ASTN2: variants seen among roughly 807,000 people sequenced by gnomAD.
ASTN2 encodes the protein astrotactin 2, also known as astrotactin-2.
ASTN2 carries 54 observed loss-of-function variants against 139.8 expected under a neutral mutation model. The ratio of observed to expected loss-of-function variants is 0.39; its 90% CI spans 0.31 to 0.48. ASTN2 has a LOEUF of 0.48. Ranked by LOEUF, ASTN2 falls within the 20% of genes least tolerant of loss-of-function variation. The probability of loss-of-function intolerance (pLI) is 0.95; values close to 1 mark genes in which losing one functional copy is unlikely to be tolerated. For missense variants in ASTN2, 1,565 were observed against 1,725.1 expected, an observed-to-expected ratio of 0.91 and a Z score of 1.64; for synonymous variants, 756 against 719.5, an observed-to-expected ratio of 1.05 and a Z score of -0.81.
At position 116,867,474 on chromosome 9, in the gene ASTN2, C is replaced by T. The variant is rs1033028617; in HGVS notation, c.1890-3741G>A. 3.5e-5 allele frequency among the ~76,000 whole-genome samples: 5 copies of T among 143,742 alleles called. No individual in the cohort carries two copies. In the South Asian group the frequency reaches 6.8e-4, roughly 20 times the overall value. 94.3% of individuals were successfully genotyped at this position (143,742 alleles called of 152,430 possible). On this transcript the variant is annotated intron_variant, in intron 10 of 22. Transcript: ENST00000313400. ...CTGAGGCAGGATAATGGCGTGAACCCGGGAGGCGGAGCTTGCAGTGAGCCA... is the reference window on the plus strand; with the variant it reads ...CTGAGGCAGGATAATGGCGTGAACCTGGGAGGCGGAGCTTGCAGTGAGCCA...
chr9:117,100,342 C>T (rs185965485), intron 4 of ASTN2, among the ~76,000 whole-genome samples: 1,624 of 152,236 alleles, frequency 0.011, 33 homozygotes, highest in African/African-American at 0.037. Flanking sequence ...GTCTATAAAC[C>T]AGATTCAATA....
At position 116,645,722 on chromosome 9, in the gene ASTN2, C is replaced by A. The variant is rs185287951; in HGVS notation, c.3072+5806G>T. On this transcript the variant is annotated intron_variant, in intron 17 of 22. Coordinates refer to ENST00000313400, the MANE Select transcript of ASTN2 (RefSeq NM_001365068.1). Reference sequence around the variant, plus strand: ...AATGAGCTATGATATTCATTGCCAACAGAATACAAGTTCCAGCAATGTTTA... The same window carrying A: ...AATGAGCTATGATATTCATTGCCAAAAGAATACAAGTTCCAGCAATGTTTA... Among the ~76,000 whole-genome samples, 3 of 152,286 alleles carry A rather than the reference C, an allele frequency of 2.0e-5. No individual in the cohort carries two copies. In the East Asian group the frequency reaches 5.8e-4, roughly 29 times the overall value.
At chr9:116,518,471 C>T (rs1468619024) in intron 19 of ASTN2, among the ~76,000 whole-genome samples, 12 of 152,030 alleles carry the variant, frequency 7.9e-5, no homozygotes, top group Non-Finnish European at 1.3e-4. Context: ...CAGAATTCAC[C>T]ATTACCAAGC....
At chr9:116,499,490 T>C (rs566942531) in intron 19 of ASTN2, among the ~76,000 whole-genome samples, 7 of 152,338 alleles carry the variant, frequency 4.6e-5, no homozygotes, top group African/African-American at 1.7e-4. Context: ...GCCCCTCAAC[T>C]GAGTTCCCAC....
At chr9:117,285,742 G>A (rs1834433249) in intron 2 of ASTN2, among the ~76,000 whole-genome samples, 1 of 152,162 alleles carries the variant, frequency 6.6e-6, no homozygotes, top group Admixed American at 6.5e-5. Context: ...CCGATGGATA[G>A]CTCAGACACT....
intron 19 of ASTN2, among the ~76,000 whole-genome samples, chr9:116,592,107 C>A (rs544581268): frequency 6.6e-6 from 1 of 152,282 alleles, no homozygotes; most frequent in East Asian, 1.9e-4. Context: ...TAAATCATCT[C>A]TAGATTACTT....
At chr9:117,327,137 C>T (rs1828542369) in intron 1 of ASTN2, among the ~76,000 whole-genome samples, 2 of 152,128 alleles carry the variant, frequency 1.3e-5, no homozygotes, top group African/African-American at 2.4e-5. Flanking sequence ...TGCTCCTATG[C>T]ATATCTAATG....
At chr9:117,216,531 G>A (rs1286073916) in intron 2 of ASTN2, among the ~76,000 whole-genome samples, 5 of 152,186 alleles carry the variant, frequency 3.3e-5, no homozygotes, top group Non-Finnish European at 7.4e-5. Context: ...GTATTTGTGT[G>A]TGTGTGTTTG....
intron 4 of ASTN2, among the ~76,000 whole-genome samples, chr9:117,135,980 C>A (rs1829942442): frequency 6.6e-6 from 1 of 152,114 alleles, no homozygotes; most frequent in Non-Finnish European, 1.5e-5. Context: ...AGGAGGGAGC[C>A]TTGTGTAGCA....
At chr9:116,821,215 C>A (rs527903379) in intron 11 of ASTN2, among the ~76,000 whole-genome samples, 27 of 152,244 alleles carry the variant, frequency 1.8e-4, no homozygotes, top group African/African-American at 6.5e-4. Context: ...AAGCCTCTAC[C>A]AGTATGAGTG....
At chr9:116,786,370 G>C (rs934046072) in intron 13 of ASTN2, among the ~76,000 whole-genome samples, 3 of 152,166 alleles carry the variant, frequency 2.0e-5, no homozygotes, top group Admixed American at 2.0e-4. Flanking sequence ...CTTCAGAGCA[G>C]GGGTTTTTAT....
chr9:117,356,298 T>C (rs1041314940), intron 1 of ASTN2, among the ~76,000 whole-genome samples: 2 of 152,232 alleles, frequency 1.3e-5, no homozygotes, highest in Non-Finnish European at 2.9e-5. Flanking sequence ...GAGATAAATA[T>C]GCATCTCGAT....
chr9:117,329,932 C>T (rs569817343), intron 1 of ASTN2, among the ~76,000 whole-genome samples: 11 of 152,264 alleles, frequency 7.2e-5, no homozygotes, highest in African/African-American at 2.6e-4. Context: ...CAAACTGCCC[C>T]ATGAAATGGG....
intron 20 of ASTN2, among the ~76,000 whole-genome samples, chr9:116,470,288 C>T (rs955625963): frequency 1.2e-4 from 18 of 152,262 alleles, no homozygotes; most frequent in East Asian, 9.7e-4. Context: ...GGAAAAGATT[C>T]GGCGTGTTCT....
At chr9:117,005,367 G>A (rs193115309) in intron 7 of ASTN2, among the ~76,000 whole-genome samples, 2 of 152,032 alleles carry the variant, frequency 1.3e-5, no homozygotes, top group South Asian at 2.1e-4. Flanking sequence ...GATTACAGGC[G>A]AGAGTTCTTA....
chr9:117,393,475 G>A (rs1014498421), intron 1 of ASTN2, among the ~76,000 whole-genome samples: 2 of 152,150 alleles, frequency 1.3e-5, no homozygotes, highest in East Asian at 1.9e-4. Flanking sequence ...AATTTAAAAA[G>A]TGGAAATGGA....
chr9:117,173,039 G>T (rs1371157882), intron 3 of ASTN2, among the ~76,000 whole-genome samples: 1 of 152,022 alleles, frequency 6.6e-6, no homozygotes, highest in Non-Finnish European at 1.5e-5. Context: ...TCTAGACTTA[G>T]ATTTTCTCAT....
In ASTN2 at chr9:116,531,598, G is replaced by A. The variant is rs919272847; in HGVS notation, c.3356-44098C>T. 4.2e-5 allele frequency among the ~76,000 whole-genome samples: 6 copies of A among 142,122 alleles called. No individual in the cohort carries two copies. In the Admixed American group the frequency reaches 4.6e-4, roughly 11 times the overall value. The allele number at this position is 142,122 out of a possible 152,430, so 93.2% of individuals were successfully genotyped here. A position where few individuals can be genotyped will look rare whatever the true frequency, so the allele number is the denominator to read the frequency against. ...TTCTCATTGTTCAATTCCCATCTATGAGTGAGAACATGTGGTGGTTGGTTT... is the reference window on the plus strand; with the variant it reads ...TTCTCATTGTTCAATTCCCATCTATAAGTGAGAACATGTGGTGGTTGGTTT... On this transcript the variant is annotated intron_variant, in intron 19 of 22. Transcript: ENST00000313400.
rs989614889 is a variant in ASTN2 at position 116,466,456 on chromosome 9, C to T, written c.3497+20903G>A. ...GCTGGAACTTCTAGGCAGTTCCTTACAGCAGCCTGCTTCACAATTCCTACC... is the reference window on the plus strand; with the variant it reads ...GCTGGAACTTCTAGGCAGTTCCTTATAGCAGCCTGCTTCACAATTCCTACC... On this transcript the variant is annotated intron_variant, in intron 20 of 22. Transcript: ENST00000313400. Among the ~76,000 whole-genome samples the T allele has an allele frequency of 2.5e-4, 38 of 152,322 alleles. No individual in the cohort carries two copies. In the South Asian group the frequency reaches 7.0e-3, roughly 28 times the overall value.
Sources: gnomAD v4.1 joint callset for allele counts (sites outside exome capture counted in the v4.1 genomes callset) on GRCh38, gnomAD v4.1.1 for gene constraint, MANE v1.5 for transcripts, NCBI Gene and HGNC (gene_info 2026-07-23, HGNC 2026-07-21) for gene names.